ANO1: variants seen among roughly 807,000 people sequenced by gnomAD.
The protein encoded by ANO1 is anoctamin 1.
In ANO1, 59 loss-of-function variants were observed where a neutral mutation model predicts 124.0. The observed-to-expected ratio is 0.48, with a 90% CI of 0.39 to 0.59. ANO1 has a LOEUF of 0.59. ANO1 is among the 20% of genes least tolerant of loss of function. ANO1 has a pLI of 0.00. For missense variants in ANO1, 1,059 were observed against 1,328.0 expected, an observed-to-expected ratio of 0.80 and a Z score of 3.15; for synonymous variants, 529 against 532.0, an observed-to-expected ratio of 0.99 and a Z score of 0.08.
At chr11:70,082,939 C>T (rs970723559) in intron 1 of ANO1, among the ~76,000 whole-genome samples, 2 of 152,206 alleles carry the variant, frequency 1.3e-5, no homozygotes, top group African/African-American at 4.8e-5. Flanking sequence ...AAACTAATAC[C>T]TAAACAGACA....
intron 11 of ANO1, among the ~76,000 whole-genome samples, chr11:70,140,951 T>C (rs989037033): frequency 1.3e-5 from 2 of 152,104 alleles, no homozygotes; most frequent in Non-Finnish European, 2.9e-5. Flanking sequence ...TAGTCCTCAC[T>C]CAAGATGGAG....
At chr11:70,175,563 G>A (rs1354070943) in intron 22 of ANO1, among the ~76,000 whole-genome samples, 2 of 152,204 alleles carry the variant, frequency 1.3e-5, no homozygotes, top group Non-Finnish European at 2.9e-5. Context: ...CCGTGCGTGG[G>A]AATCTGCTCC....
At chr11:70,122,591 C>T (rs985493813) in intron 8 of ANO1, among the ~76,000 whole-genome samples, 2 of 151,694 alleles carry the variant, frequency 1.3e-5, no homozygotes, top group Non-Finnish European at 2.9e-5. Flanking sequence ...CCCCACCTCT[C>T]TCTGTCTCTG....
intron 2 of ANO1, among the ~76,000 whole-genome samples, chr11:70,101,470 C>A (rs575597013): frequency 1.9e-4 from 29 of 151,232 alleles, no homozygotes; most frequent in African/African-American, 6.8e-4. Context: ...GTAGGAGAAT[C>A]GCTTGAACTC....
At chr11:69,992,231 TGG>T in intron 1 of ANO1, among the ~76,000 whole-genome samples, 1 of 149,500 alleles carries the variant, frequency 6.7e-6, no homozygotes, top group Non-Finnish European at 1.5e-5. Flanking sequence ...GATGGATGGA[TGG>T]ATGGATGGAT....
chr11:70,095,352 AAG>A (rs1555017496), intron 2 of ANO1, among the ~76,000 whole-genome samples: 1,014 of 12,314 alleles, frequency 0.082, 72 homozygotes, highest in Admixed American at 0.17. Flanking sequence ...AAGAAAAAGA[AAG>A]AAAGAAAGAA....
chr11:70,011,225 G>T (rs115442338), intron 1 of ANO1, among the ~76,000 whole-genome samples: 93 of 152,290 alleles, frequency 6.1e-4, no homozygotes, highest in African/African-American at 2.1e-3. Flanking sequence ...GGAGTGGAGA[G>T]CAGGGTGGAG....
intron 1 of ANO1, among the ~76,000 whole-genome samples, chr11:70,065,836 G>A (rs1288717809): frequency 2.6e-5 from 4 of 152,020 alleles, no homozygotes; most frequent in Admixed American, 1.3e-4. Flanking sequence ...CTCCTGGGGA[G>A]AAGATCTCTG....
chr11:70,136,077 C>T (rs367785491), intron 11 of ANO1, among the ~76,000 whole-genome samples: 1 of 152,208 alleles, frequency 6.6e-6, no homozygotes, highest in Non-Finnish European at 1.5e-5. Flanking sequence ...ATGCAGGCAG[C>T]GCAGATTGGT....
At chr11:70,075,486 G>A (rs140661164), upstream of ANO1, 1 of 151,626 alleles carries the variant, frequency 6.6e-6, no homozygotes, top group East Asian at 1.9e-4. Context: ...AAAAAAATCA[G>A]CAAAGACACC....
Position 70,087,970 on chromosome 11 carries a change from T to C in ANO1, c.327T>C (p.Asp109=). 6.3e-7 allele frequency: 1 copy of C among 1,589,706 alleles called. No individual in the cohort carries two copies. Residue 109 remains aspartate, a synonymous_variant, in exon 2 of 26, where the codon GAT becomes GAC. Coordinates refer to ENST00000355303, the MANE Select transcript of ANO1 (RefSeq NM_018043.7). ...TGCCGGGCAAGGGGGCGTCGCTGGA[T>C]GCAGGCTCGGGGGAGCCCCCGATGG... ...HPLPGKGASL[D]AGSGEPPMDY... is the part of the protein sequence containing the mutation.
intron 1 of ANO1, among the ~76,000 whole-genome samples, chr11:70,036,965 C>T (rs1043871358): frequency 2.0e-5 from 3 of 152,228 alleles, no homozygotes; most frequent in South Asian, 2.1e-4. Context: ...ATGTCTCAGG[C>T]ATGTCTGTGT....
chr11:70,112,110 AGGGCTCTGTACG>A (rs2045808352), intron 7 of ANO1, among the ~76,000 whole-genome samples: 1 of 152,208 alleles, frequency 6.6e-6, no homozygotes, highest in Non-Finnish European at 1.5e-5. Context: ...CAGAATGACC[AGGGCTCTGTACG>A]TGTCTATTTC....
intron 16 of ANO1, 144 bp downstream of exon 16, chr11:70,157,165 G>A (rs952508840): frequency 1.6e-5 from 11 of 669,514 alleles, no homozygotes; most frequent in African/African-American, 5.5e-5. Context: ...TCAGGAGTTC[G>A]AGACCAGCCT....
intron 24 of ANO1, among the ~76,000 whole-genome samples, chr11:70,184,920 T>A (rs1350354670): frequency 6.6e-6 from 1 of 152,158 alleles, no homozygotes; most frequent in East Asian, 1.9e-4. Context: ...CTAATTTTTG[T>A]ATTTTTTGCA....
At chr11:70,035,233 C>T (rs1051550978) in intron 1 of ANO1, among the ~76,000 whole-genome samples, 1 of 152,294 alleles carries the variant, frequency 6.6e-6, no homozygotes. Flanking sequence ...GTCCAGCCCT[C>T]CAGGAGGATT....
chr11:70,013,072 A>C lies in ANO1; in HGVS notation c.58+26906A>C, dbSNP rs556014993. On this transcript the variant is annotated intron_variant, in intron 1 of 27. Transcript: ENST00000531349. ...ATCTGACCCAATGTGGGATCAGGAAAACCTCCCTAACAAAAAACCACATTT... is the reference window on the plus strand; with the variant it reads ...ATCTGACCCAATGTGGGATCAGGAACACCTCCCTAACAAAAAACCACATTT... Among the ~76,000 whole-genome samples the C allele has an allele frequency of 9.8e-5, 15 of 152,372 alleles. No homozygotes were observed. The East Asian group carries it at 2.1e-3, about 22-fold the overall frequency.
rs543963219 is a variant in ANO1, at chr11:70,185,602, C to A, written c.2601C>A (p.Tyr867Ter). ...YEVQICRYKD[Y>*]REPPWSENKY... Reference sequence around the variant, plus strand: ...CGGTCTTTTGCAGGTATAAAGACTACCGAGAGCCGCCGTGGTCGGAAAACA... The same window carrying A: ...CGGTCTTTTGCAGGTATAAAGACTAACGAGAGCCGCCGTGGTCGGAAAACA... Residue 867 changes from tyrosine (Y) to a stop codon, truncating the protein, a stop_gained, in exon 25 of 26, where the codon TAC (tyrosine) becomes TAA (stop). Coordinates refer to ENST00000355303, the MANE Select transcript of ANO1 (RefSeq NM_018043.7). LOFTEE classifies it high-confidence loss of function. 6.2e-7 allele frequency: 1 copy of A among 1,613,914 alleles called. No individual in the cohort carries two copies. Among genetic ancestry groups the A allele is most frequent in the Non-Finnish European group, 8.5e-7 (1 of 1,179,844 alleles).
chr11:70,150,804 T>C (rs2047574280), intron 12 of ANO1, among the ~76,000 whole-genome samples: 2 of 152,234 alleles, frequency 1.3e-5, no homozygotes, highest in Non-Finnish European at 2.9e-5. Context: ...TTTATTGTAA[T>C]GTAGACATTT....
Sources: gnomAD v4.1 joint callset for allele counts (sites outside exome capture counted in the v4.1 genomes callset) on GRCh38, gnomAD v4.1.1 for gene constraint, MANE v1.5 for transcripts, NCBI Gene and HGNC (gene_info 2026-07-23, HGNC 2026-07-21) for gene names.